The following CSMD1 variants were observed in gnomAD, a reference collection of about 807,000 sequenced individuals.
The protein encoded by CSMD1 is CUB and Sushi multiple domains 1.
CSMD1 carries 213 observed loss-of-function variants against 417.5 expected under a neutral mutation model. The ratio of observed to expected loss-of-function variants is 0.51; its 90% CI spans 0.46 to 0.57. The LOEUF (loss-of-function observed/expected upper bound fraction) is 0.57. Ranked by LOEUF, CSMD1 falls within the 20% of genes least tolerant of loss-of-function variation. The pLI is 0.00. For synonymous variants in CSMD1, 2,862 were observed against 1,736.8 expected (o/e 1.65, Z -16.11); for missense variants, 6,923 against 4,529.7 (o/e 1.53, Z -15.17).
At chr8:4,519,424 A>T (rs1429347247) in intron 2 of CSMD1, among the ~76,000 whole-genome samples, 1 of 152,072 alleles carries the variant, frequency 6.6e-6, no homozygotes, top group African/African-American at 2.4e-5. Context: ...ATGTATAAAA[A>T]TTTTTAAAGT....
intron 10 of CSMD1, among the ~76,000 whole-genome samples, chr8:3,497,016 T>A (rs1002896402): frequency 6.6e-6 from 1 of 152,224 alleles, no homozygotes; most frequent in African/African-American, 2.4e-5. Context: ...TTGATATGAT[T>A]TAGATTTTTA....
intron 1 of CSMD1, among the ~76,000 whole-genome samples, chr8:4,679,568 A>G (rs1168450146): frequency 1.1e-4 from 16 of 152,148 alleles, no homozygotes; most frequent in Admixed American, 1.0e-3. Flanking sequence ...AATTTTTTTC[A>G]CACTATGAAA....
chr8:3,578,367 C>T (rs1233157194), intron 9 of CSMD1, among the ~76,000 whole-genome samples: 1 of 151,722 alleles, frequency 6.6e-6, no homozygotes, highest in Non-Finnish European at 1.5e-5. Flanking sequence ...TGCTGTCCTC[C>T]CTTAGAAATC....
intron 2 of CSMD1, among the ~76,000 whole-genome samples, chr8:4,609,287 G>C (rs1432926546): frequency 1.3e-5 from 2 of 152,142 alleles, no homozygotes; most frequent in African/African-American, 2.4e-5. Context: ...TTTGGTCCCA[G>C]CTACTCAGGA....
chr8:3,245,111 G>A (rs918238651), intron 26 of CSMD1, among the ~76,000 whole-genome samples: 1 of 152,210 alleles, frequency 6.6e-6, no homozygotes, highest in African/African-American at 2.4e-5. Flanking sequence ...CATGAATTTC[G>A]TTAATTTCTG....
At chr8:3,590,462 G>A (rs374685661) in intron 8 of CSMD1, among the ~76,000 whole-genome samples, 1 of 152,116 alleles carries the variant, frequency 6.6e-6, no homozygotes. Context: ...TCAAAGACTA[G>A]TTCAGTGGAG....
intron 2 of CSMD1, among the ~76,000 whole-genome samples, chr8:4,628,366 G>A (rs923761281): frequency 1.3e-5 from 2 of 149,068 alleles, no homozygotes; most frequent in Non-Finnish European, 3.0e-5. Flanking sequence ...CTATGTATGT[G>A]TGTGTGTATA....
intron 3 of CSMD1, among the ~76,000 whole-genome samples, chr8:4,255,532 C>T (rs1213135881): frequency 2.0e-5 from 3 of 152,148 alleles, no homozygotes; most frequent in South Asian, 4.1e-4. Flanking sequence ...GGTTAAAAGT[C>T]GCAATCACTT....
chr8:4,964,327 G>A (rs4317600), intron 1 of CSMD1, among the ~76,000 whole-genome samples: 101,463 of 151,396 alleles, frequency 0.67, 35,012 homozygotes, highest in African/African-American at 0.84. Context: ...CAGCAGGGCA[G>A]CATGGCAAAA....
intron 37 of CSMD1, among the ~76,000 whole-genome samples, chr8:3,165,681 C>T (rs1412322699): frequency 1.3e-5 from 2 of 152,104 alleles, no homozygotes; most frequent in Non-Finnish European, 2.9e-5. Context: ...ATCCACCTGC[C>T]TCAGCCTCCC....
intron 5 of CSMD1, among the ~76,000 whole-genome samples, chr8:3,849,278 T>A (rs1336182811): frequency 6.6e-6 from 1 of 152,048 alleles, no homozygotes; most frequent in Non-Finnish European, 1.5e-5. Flanking sequence ...CATGTGAATG[T>A]GCACAGACAA....
At chr8:3,445,740 C>T (rs998195725) in intron 12 of CSMD1, among the ~76,000 whole-genome samples, 1 of 152,012 alleles carries the variant, frequency 6.6e-6, no homozygotes, top group Non-Finnish European at 1.5e-5. Flanking sequence ...GAATAAAGTC[C>T]ACAAGAACAA....
chr8:4,707,759 C>T (rs1189652860), intron 1 of CSMD1, among the ~76,000 whole-genome samples: 1 of 151,674 alleles, frequency 6.6e-6, no homozygotes, highest in East Asian at 1.9e-4. Flanking sequence ...TCGTGGCAGG[C>T]GCCTGTAATC....
chr8:3,953,497 G>C (rs1260358418), intron 5 of CSMD1, among the ~76,000 whole-genome samples: 2 of 152,098 alleles, frequency 1.3e-5, no homozygotes, highest in Non-Finnish European at 2.9e-5. Context: ...GCTGAGTTTG[G>C]GGGTTTCACT....
chr8:4,163,995 C>T (rs1327319918), intron 3 of CSMD1, among the ~76,000 whole-genome samples: 1 of 152,184 alleles, frequency 6.6e-6, no homozygotes, highest in South Asian at 2.1e-4. Flanking sequence ...GAGGAATAAT[C>T]GTGAGGAGAA....
chr8:4,407,237 A>G (rs1805092932), intron 3 of CSMD1, among the ~76,000 whole-genome samples: 3 of 152,208 alleles, frequency 2.0e-5, no homozygotes, highest in Admixed American at 2.0e-4. Context: ...ATGCCACAGG[A>G]TGTCAATGGA....
intron 1 of CSMD1, among the ~76,000 whole-genome samples, chr8:4,856,077 C>G: frequency 6.6e-6 from 1 of 152,104 alleles, no homozygotes; most frequent in Non-Finnish European, 1.5e-5. Flanking sequence ...CGACAGAAAC[C>G]CTGCAAGCCA....
In CSMD1 at chr8:4,794,232, T is replaced by C. The variant is rs528477027; in HGVS notation, c.86-156674A>G. Among the ~76,000 whole-genome samples, 21 of 133,258 alleles carry C rather than the reference T, an allele frequency of 1.6e-4. No homozygotes were observed. In the South Asian group the frequency reaches 5.0e-3, roughly 32 times the overall value. The allele number at this position is 133,258 out of a possible 152,430, so 87.4% of individuals were successfully genotyped here. A position where few individuals can be genotyped will look rare whatever the true frequency, so the allele number is the denominator to read the frequency against. On this transcript the variant is annotated intron_variant, in intron 1 of 69. Transcript: ENST00000635120. Reference sequence around the variant, plus strand: ...CACTTGGATCATTTTTATCACACTTTTTGTCAGTAATATTTTGAAAAATCC... The same window carrying C: ...CACTTGGATCATTTTTATCACACTTCTTGTCAGTAATATTTTGAAAAATCC...
At chr8:4,038,836 C>G (rs528622156) in intron 3 of CSMD1, among the ~76,000 whole-genome samples, 2 of 152,132 alleles carry the variant, frequency 1.3e-5, no homozygotes, top group South Asian at 2.1e-4. Context: ...CCCCATGAAG[C>G]CAAATTTGTA....
Sources: gnomAD v4.1 joint callset for allele counts (sites outside exome capture counted in the v4.1 genomes callset) on GRCh38, gnomAD v4.1.1 for gene constraint, MANE v1.5 for transcripts, NCBI Gene and HGNC (gene_info 2026-07-23, HGNC 2026-07-21) for gene names.